Variants in FER1L6 observed in about 807,000 individuals in gnomAD.
FER1L6 encodes fer-1-like protein 6.
In FER1L6, 177 loss-of-function variants were observed where a neutral mutation model predicts 219.2. That is an observed-to-expected ratio of 0.81 (90% CI 0.71 to 0.91). The LOEUF is 0.91. Among genes scored for constraint, FER1L6 ranks in the 40% least tolerant of loss-of-function variants. The pLI is 0.00. For synonymous variants in FER1L6, 768 were observed against 824.3 expected (o/e 0.93, Z 1.17); for missense variants, 2,153 against 2,259.9 (o/e 0.95, Z 0.96).
chr8:124,012,015 G>A (rs184384097), intron 14 of FER1L6, among the ~76,000 whole-genome samples: 2 of 152,250 alleles, frequency 1.3e-5, no homozygotes, highest in Admixed American at 6.5e-5. Context: ...AGCCCAAGGA[G>A]GGAGAGAAAG....
chr8:124,087,018 T>C (rs1240548999), intron 33 of FER1L6, among the ~76,000 whole-genome samples: 1 of 152,214 alleles, frequency 6.6e-6, no homozygotes, highest in Admixed American at 6.5e-5. Context: ...ATCCCTAAGT[T>C]ATCCTTGACC....
At chr8:123,871,111 T>C (rs1350102748) in intron 1 of FER1L6, among the ~76,000 whole-genome samples, 1 of 152,164 alleles carries the variant, frequency 6.6e-6, no homozygotes, top group Non-Finnish European at 1.5e-5. Context: ...AAAGGAGAAG[T>C]CTATAATAAT....
At chr8:123,988,407 C>T (rs1816695988) in intron 12 of FER1L6, among the ~76,000 whole-genome samples, 2 of 152,126 alleles carry the variant, frequency 1.3e-5, no homozygotes, top group Admixed American at 1.3e-4. Flanking sequence ...CTGTAGATTG[C>T]TTTGGGTAGT....
Position 123,966,241 on chromosome 8 carries a change from A to G in FER1L6, c.335A>G (p.Lys112Arg). ...GTGACCATTGAGATTGGGGATGAGA[A>G]GAAGCAAAGCACAGTGAAGGAAGGA... is the stretch of plus-strand genomic sequence containing the variant. ...PVVTIEIGDEKKQSTVKEGTN... is the reference protein window; with the variant it reads ...PVVTIEIGDERKQSTVKEGTN... The change falls in exon 5 of 41, where the codon AAG (lysine) becomes AGG (arginine). Residue 112 changes from lysine (K) to arginine (R), a missense_variant. By Grantham distance (26) the Lys-to-Arg change is conservative. Coordinates refer to ENST00000522917, the MANE Select transcript of FER1L6 (RefSeq NM_001039112.2). The G allele has an allele frequency of 6.2e-7, 1 of 1,614,212 alleles. No individual in the cohort carries two copies. The highest frequency in any genetic ancestry group is 8.5e-7 in the Non-Finnish European group (1 of 1,180,024).
rs1817837715 is a variant in FER1L6 at position 124,009,918 on chromosome 8, C to G, written c.1701-676C>G. 1.3e-5 allele frequency among the ~76,000 whole-genome samples: 2 copies of G among 150,538 alleles called. 1 individual carries two copies. Among genetic ancestry groups the G allele is most frequent in the Non-Finnish European group, 3.0e-5 (2 of 67,752 alleles). On this transcript the variant is annotated intron_variant, in intron 13 of 40. Transcript: ENST00000522917. ...AGCTGGCAACCCGGGCAGGAGAAGT[C>G]TTGTTCTAGTTTGAGGGTCGTGGAA...
chr8:123,878,594 T>C (rs1200880584), intron 1 of FER1L6, among the ~76,000 whole-genome samples: 1 of 152,210 alleles, frequency 6.6e-6, no homozygotes, highest in African/African-American at 2.4e-5. Flanking sequence ...GCACTAGCTG[T>C]GTGACCTTGA....
intron 22 of FER1L6, among the ~76,000 whole-genome samples, chr8:124,050,495 C>A (rs922158716): frequency 1.3e-5 from 2 of 151,984 alleles, no homozygotes; most frequent in African/African-American, 4.8e-5. Flanking sequence ...GGTTGAGGGG[C>A]CTGTATCAGA....
intron 1 of FER1L6, among the ~76,000 whole-genome samples, chr8:123,939,965 G>A (rs1303806726): frequency 6.6e-6 from 1 of 152,172 alleles, no homozygotes; most frequent in Non-Finnish European, 1.5e-5. Flanking sequence ...GGATTATTAT[G>A]GGGTGGCTAA....
At position 123,852,518 on chromosome 8, in the gene FER1L6, CAG is replaced by C. The variant is rs1816531495; in HGVS notation, c.-8+337_-8+338del. Among the ~76,000 whole-genome samples the C allele has an allele frequency of 7.2e-6, 1 of 139,412 alleles. No individual in the cohort carries two copies. The highest frequency in any genetic ancestry group is 1.6e-5 in the Non-Finnish European group (1 of 63,216). 91.5% of individuals were successfully genotyped at this position (139,412 alleles called of 152,430 possible). ...TGTGTGTGTGTGTGTGTGTGTTTGA[CAG>C]AGACAGAGGGAGGAGAAAGAAGAGA... On this transcript the variant is annotated intron_variant, in intron 1 of 40. Coordinates refer to ENST00000522917, the MANE Select transcript of FER1L6 (RefSeq NM_001039112.2). This position sits in a 1 kb window ranked among gnomAD's most constrained non-coding sequence, Gnocchi z 4.9.
chr8:124,055,821 G>A (rs1294131938), intron 22 of FER1L6, among the ~76,000 whole-genome samples: 1 of 152,144 alleles, frequency 6.6e-6, no homozygotes, highest in African/African-American at 2.4e-5. Flanking sequence ...GGCATCAGCA[G>A]GTCTGTGTTC....
At chr8:123,920,548 C>A (rs994393738) in intron 1 of FER1L6, among the ~76,000 whole-genome samples, 3 of 152,218 alleles carry the variant, frequency 2.0e-5, no homozygotes, top group African/African-American at 7.2e-5. Flanking sequence ...GCCAGGAGGG[C>A]CCACGTCTAG....
At chr8:124,075,813 A>C (rs550943880) in intron 31 of FER1L6, among the ~76,000 whole-genome samples, 7 of 152,186 alleles carry the variant, frequency 4.6e-5, no homozygotes, top group Non-Finnish European at 1.0e-4. Flanking sequence ...GTCCTTGACC[A>C]AGACATCATT....
At position 124,060,161 on chromosome 8, in the gene FER1L6, T is replaced by C. The variant is rs1302212164; in HGVS notation, c.2875-19T>C. ...CTGTGTCTCTCCAGCATCTAACTCA[T>C]ACTTGCCTTGTGCGGTAGGTTCCTC... On this transcript the variant is annotated intron_variant, in intron 22 of 40. Transcript: ENST00000522917. 6 of 1,594,228 alleles carry C rather than the reference T, an allele frequency of 3.8e-6. No homozygotes were observed. The highest frequency in any genetic ancestry group is 3.3e-5 in the South Asian group (3 of 90,710).
intron 26 of FER1L6, 114 bp from the exon 27 acceptor site, chr8:124,066,314 C>T (rs1167898489): frequency 8.3e-7 from 1 of 1,199,410 alleles, no homozygotes; most frequent in Non-Finnish European, 1.2e-6. Flanking sequence ...CAGTGGATAC[C>T]TCTGTGTGTT....
intron 14 of FER1L6, among the ~76,000 whole-genome samples, chr8:124,013,173 G>T (rs541925256): frequency 3.4e-4 from 52 of 152,280 alleles, no homozygotes; most frequent in African/African-American, 9.4e-4. Flanking sequence ...TTAGGGAATG[G>T]ATCTATAACA....
chr8:124,094,827 C>T (rs1822204511), intron 34 of FER1L6, 69 bp from the exon 35 acceptor site: 1 of 1,525,106 alleles, frequency 6.6e-7, no homozygotes, highest in South Asian at 1.1e-5. Flanking sequence ...TTTAAAAATG[C>T]ATGTGGCAGC....
intron 18 of FER1L6, among the ~76,000 whole-genome samples, chr8:124,028,542 G>T (rs1818815718): frequency 6.6e-6 from 1 of 151,970 alleles, no homozygotes; most frequent in Non-Finnish European, 1.5e-5. Context: ...GGTGGGCGGG[G>T]GTGGGGAGGG....
At chr8:123,952,881 G>A (rs1391992915) in intron 1 of FER1L6, among the ~76,000 whole-genome samples, 3 of 152,162 alleles carry the variant, frequency 2.0e-5, no homozygotes, top group African/African-American at 4.8e-5. Flanking sequence ...TTTGTAGCAC[G>A]CTTTACACTT....
chr8:123,931,590 T>C (rs142566634), intron 1 of FER1L6, among the ~76,000 whole-genome samples: 228 of 152,356 alleles, frequency 1.5e-3, no homozygotes, highest in African/African-American at 5.4e-3. Flanking sequence ...GAAAGACCTG[T>C]TAGTAACTGA....
Sources: allele counts gnomAD v4.1 joint callset (sites outside exome capture counted in the v4.1 genomes callset), GRCh38; gene constraint gnomAD v4.1.1; non-coding constraint Gnocchi (gnomAD v3.1); transcripts MANE v1.5; gene names NCBI Gene and HGNC (gene_info 2026-07-23, HGNC 2026-07-21).